ZNRF1: variants seen among roughly 807,000 people sequenced by gnomAD.
ZNRF1 encodes zinc and ring finger 1.
A neutral mutation model predicts 18.4 loss-of-function variants in ZNRF1; 3 were observed. That is an observed-to-expected ratio of 0.16 (90% CI 0.07 to 0.42). The LOEUF (loss-of-function observed/expected upper bound fraction) is 0.42. Among genes scored for constraint, ZNRF1 ranks in the 10% least tolerant of loss-of-function variants. The probability of loss-of-function intolerance (pLI) is 0.99; values close to 1 mark genes in which losing one functional copy is unlikely to be tolerated. For synonymous variants in ZNRF1, 157 were observed against 144.2 expected (o/e 1.09, Z -0.64); for missense variants, 310 against 329.8 (o/e 0.94, Z 0.47).
At chr16:75,012,652 T>A (rs976790606) in intron 1 of ZNRF1, among the ~76,000 whole-genome samples, 1 of 152,228 alleles carries the variant, frequency 6.6e-6, no homozygotes, top group Non-Finnish European at 1.5e-5. Flanking sequence ...AATTATGATA[T>A]CAAATCTCAG....
At chr16:75,078,272 C>G (rs2035966732) in intron 1 of ZNRF1, among the ~76,000 whole-genome samples, 1 of 142,100 alleles carries the variant, frequency 7.0e-6, no homozygotes. Context: ...TTTTTTAATT[C>G]TCTTCCATAC....
chr16:75,040,533 A>T (rs1305044925), intron 1 of ZNRF1, among the ~76,000 whole-genome samples: 2 of 150,364 alleles, frequency 1.3e-5, no homozygotes, highest in Non-Finnish European at 2.9e-5. Flanking sequence ...ATGAAATCAT[A>T]CAGTATGTAT....
chr16:75,087,566 T>C (rs775220475), intron 1 of ZNRF1, among the ~76,000 whole-genome samples: 1 of 152,224 alleles, frequency 6.6e-6, no homozygotes, highest in African/African-American at 2.4e-5. Flanking sequence ...CTCTCTTGGC[T>C]TCTCTTGATT....
In ZNRF1 at chr16:75,000,724, G is replaced by C. The variant is rs553566194; in HGVS notation, c.424+629G>C. 1.6e-3 allele frequency among the ~76,000 whole-genome samples: 251 copies of C among 152,312 alleles called. 16 individuals carry two copies. The South Asian group carries it at 0.049, about 30-fold the overall frequency. On this transcript the variant is annotated intron_variant, in intron 1 of 4. Transcript: ENST00000335325. ...TCTCGCGGGGGCTTTGCAGGACCCG[G>C]GCTGTGGTCACCCGTACTGCATGCA...
chr16:75,005,654 C>G (rs916195305), intron 1 of ZNRF1, among the ~76,000 whole-genome samples: 7 of 152,176 alleles, frequency 4.6e-5, no homozygotes, highest in Non-Finnish European at 7.3e-5. Flanking sequence ...CCTATATCTA[C>G]TATGTCTTTT....
chr16:75,000,374 C>G, intron 1 of ZNRF1: 2 of 624,422 alleles, frequency 3.2e-6, no homozygotes, highest in Non-Finnish European at 3.0e-6. Context: ...TGGCATCACC[C>G]TCCTCAGAGA....
intron 2 of ZNRF1, among the ~76,000 whole-genome samples, chr16:75,102,159 C>CAT (rs2036261539): frequency 6.6e-6 from 1 of 152,138 alleles, no homozygotes; most frequent in Non-Finnish European, 1.5e-5. Flanking sequence ...GAGCGGAAGC[C>CAT]ATAGCCTTCT....
At chr16:75,054,534 AGT>A in intron 1 of ZNRF1, among the ~76,000 whole-genome samples, 1 of 152,310 alleles carries the variant, frequency 6.6e-6, no homozygotes, top group South Asian at 2.1e-4. Context: ...GTATGGTCAG[AGT>A]GGAGGTCACT....
At chr16:75,051,288 G>T (rs2035600324) in intron 1 of ZNRF1, among the ~76,000 whole-genome samples, 1 of 151,760 alleles carries the variant, frequency 6.6e-6, no homozygotes, top group South Asian at 2.1e-4. Flanking sequence ...GCTCACTGCA[G>T]CCTCTGCCTC....
chr16:75,014,165 C>G (rs928723843), intron 1 of ZNRF1, among the ~76,000 whole-genome samples: 5 of 152,110 alleles, frequency 3.3e-5, no homozygotes, highest in Non-Finnish European at 7.4e-5. Flanking sequence ...ATATTTTAGG[C>G]ATTCAAGAAA....
chr16:75,089,511 A>C (rs192605359), intron 1 of ZNRF1, among the ~76,000 whole-genome samples: 1 of 152,310 alleles, frequency 6.6e-6, no homozygotes, highest in East Asian at 1.9e-4. Context: ...GCCTCTTCCT[A>C]CACCAGTGGT....
rs182657870 is a variant in ZNRF1, at chr16:75,093,912, C to T, written c.520+245C>T. ...CAGGTCCGAGGTCTGGGAAGGCTCT[C>T]GGGCTGCTCAGTTAGGCCCCTGCCT... On this transcript the variant is annotated intron_variant, in intron 2 of 4. Coordinates refer to ENST00000335325, the MANE Select transcript of ZNRF1 (RefSeq NM_032268.5). Among the ~76,000 whole-genome samples the T allele has an allele frequency of 5.9e-4, 90 of 152,296 alleles. 2 individuals carry two copies. The East Asian group carries it at 0.015, about 25-fold the overall frequency.
chr16:75,042,758 T>C (rs1274154861), intron 1 of ZNRF1, among the ~76,000 whole-genome samples: 1 of 152,198 alleles, frequency 6.6e-6, no homozygotes, highest in Admixed American at 6.5e-5. Context: ...GATCAGCCTG[T>C]TGATTTCTGC....
chr16:75,028,420 A>G (rs994789298), intron 1 of ZNRF1, among the ~76,000 whole-genome samples: 4 of 152,056 alleles, frequency 2.6e-5, no homozygotes, highest in East Asian at 1.9e-4. Flanking sequence ...CAGCCTCCCA[A>G]GTAGCTGGGA....
At chr16:75,073,118 A>ATCTCTCTCTCTCTCTC (rs374451771) in intron 1 of ZNRF1, among the ~76,000 whole-genome samples, 6 of 128,368 alleles carry the variant, frequency 4.7e-5, no homozygotes, top group African/African-American at 9.0e-5. Context: ...GTGAGACCCC[A>ATCTCTCTCTCTCTCTC]TCTCTCTCTC....
chr16:75,102,420 C>T (rs1416187452), intron 2 of ZNRF1, among the ~76,000 whole-genome samples: 8 of 152,116 alleles, frequency 5.3e-5, no homozygotes, highest in Non-Finnish European at 1.2e-4. Flanking sequence ...AAGACACGCA[C>T]ATGTGTTTGT....
intron 1 of ZNRF1, among the ~76,000 whole-genome samples, chr16:75,059,206 C>T (rs1597886305): frequency 1.4e-5 from 2 of 143,664 alleles, no homozygotes; most frequent in African/African-American, 5.1e-5. Context: ...TTTTCCTTTC[C>T]TTCCTTCTTT....
intron 1 of ZNRF1, among the ~76,000 whole-genome samples, chr16:75,058,387 A>G (rs1035381656): frequency 2.0e-5 from 3 of 152,164 alleles, no homozygotes; most frequent in African/African-American, 7.2e-5. Context: ...CTTTGCTTGC[A>G]AGGAGCACTC....
At chr16:75,105,034 A>T (rs1047911776) in intron 3 of ZNRF1, 145 bp downstream of exon 3, 11 of 620,962 alleles carry the variant, frequency 1.8e-5, no homozygotes, top group Non-Finnish European at 3.1e-5. Flanking sequence ...AGGCCATCAG[A>T]CAGGTGTCCA....
Sources: gnomAD v4.1 joint callset for allele counts (sites outside exome capture counted in the v4.1 genomes callset) on GRCh38, gnomAD v4.1.1 for gene constraint, MANE v1.5 for transcripts, NCBI Gene and HGNC (gene_info 2026-07-23, HGNC 2026-07-21) for gene names.